The following SYNE1 variants were observed in gnomAD, a reference collection of about 807,000 sequenced individuals.
SYNE1 encodes spectrin repeat containing nuclear envelope protein 1.
A neutral mutation model predicts 1,111.0 loss-of-function variants in SYNE1; 616 were observed. The ratio of observed to expected loss-of-function variants is 0.55; its 90% confidence interval spans 0.52 to 0.59. The LOEUF is 0.59. Ranked by LOEUF, SYNE1 falls within the 20% of genes least tolerant of loss-of-function variation. The probability of loss-of-function intolerance (pLI) is 0.00; values close to 1 mark genes in which losing one functional copy is unlikely to be tolerated. For missense variants in SYNE1, 10,006 were observed against 10,417.0 expected (o/e 0.96, Z 1.72); for synonymous variants, 3,855 against 3,825.8 (o/e 1.01, Z -0.28).
rs770726839 is a variant in SYNE1, at chr6:152,455,558, C to T, written c.2760G>A (p.Lys920=). 1.2e-6 allele frequency: 2 copies of T among 1,614,154 alleles called. No homozygotes were observed. The highest frequency in any genetic ancestry group is 1.7e-6 in the Non-Finnish European group (2 of 1,179,996). ...TCAAGCGACTGTTGGTTTCCACATG[C>T]TTCTTCCAATCTCCAGTTTTCTTTA... ...SMVKKTGDWK[K]HVETNSRLMK... The change falls in exon 24 of 146, where the codon AAG becomes AAA. Residue 920 remains lysine, a synonymous_variant. Coordinates refer to ENST00000367255, the MANE Select transcript of SYNE1 (RefSeq NM_182961.4).
At position 152,285,985 on chromosome 6, in the gene SYNE1, A is replaced by G. The variant is rs141855731; in HGVS notation, c.18013-1813T>C. Among the ~76,000 whole-genome samples, 66 of 152,316 alleles carry G rather than the reference A, an allele frequency of 4.3e-4. No individual in the cohort carries two copies. In the Middle Eastern group the frequency reaches 0.01, roughly 24 times the overall value. ...TAGGCTTTATATTTGCCAGCATTTCATAGTTTCCAATGTGCCCTTATTTGC... is the reference window on the plus strand; with the variant it reads ...TAGGCTTTATATTTGCCAGCATTTCGTAGTTTCCAATGTGCCCTTATTTGC... On this transcript the variant is annotated intron_variant, in intron 95 of 145. Coordinates refer to ENST00000367255, the MANE Select transcript of SYNE1 (RefSeq NM_182961.4).
intron 29 of SYNE1, among the ~76,000 whole-genome samples, chr6:152,445,495 T>C (rs1470212285): frequency 6.6e-6 from 1 of 152,064 alleles, no homozygotes; most frequent in Non-Finnish European, 1.5e-5. Flanking sequence ...TTTTACATGT[T>C]GTCATTTGTT....
intron 76 of SYNE1, chr6:152,335,335 ATTGT>A (rs2096360141): frequency 6.6e-6 from 1 of 152,232 alleles, no homozygotes; most frequent in Non-Finnish European, 1.5e-5. Flanking sequence ...AAATATTGGC[ATTGT>A]TTATTATCTC....
rs201427138 is a variant in SYNE1 at position 152,325,163 on chromosome 6, G to A, written c.15578C>T (p.Thr5193Ile). The A allele has an allele frequency of 6.2e-7, 1 of 1,614,244 alleles. No individual in the cohort carries two copies. The highest frequency in any genetic ancestry group is 2.2e-5 in the East Asian group (1 of 44,884). The change falls in exon 81 of 146, where the codon ACA becomes ATA. Residue 5193 changes from threonine (T) to isoleucine (I), a missense_variant. Around this residue, in one of 7 missense-constraint regions of SYNE1, gnomAD observed 4,955 missense variants for 5,017.2 expected, o/e 0.99. Transcript: ENST00000367255. ...RSMTTVWQRWTRLRAVAQDQE... is the reference protein window; with the variant it reads ...RSMTTVWQRWIRLRAVAQDQE... ...GTCCTGGGCCACAGCTCGAAGGCGT[G>A]TCCAGCGCTGCCAGACGGTGGTCAT... is the stretch of plus-strand genomic sequence containing the variant.
intron 104 of SYNE1, among the ~76,000 whole-genome samples, chr6:152,253,189 C>T (rs2089816158): frequency 6.6e-6 from 1 of 152,098 alleles, no homozygotes; most frequent in Admixed American, 6.5e-5. Flanking sequence ...TCTCCATCTT[C>T]CCTGAGATCA....
rs1055894912 is a variant in SYNE1, at chr6:152,345,820, C to T, written c.12078+1239G>A. On this transcript the variant is annotated intron_variant, in intron 73 of 145. Coordinates refer to ENST00000367255, the MANE Select transcript of SYNE1 (RefSeq NM_182961.4). The stretch of plus-strand genomic sequence containing the variant: ...TTTTAGTAAGTTTTTGTTAAAATAG[C>T]CATTCTTACCCCTCTTACACTTATT... 3.3e-5 allele frequency among the ~76,000 whole-genome samples: 5 copies of T among 152,192 alleles called. No individual in the cohort carries two copies. The Middle Eastern group carries it at 0.01, about 311-fold the overall frequency.
intron 16 of SYNE1, among the ~76,000 whole-genome samples, chr6:152,470,118 G>A (rs2098797174): frequency 6.6e-6 from 1 of 152,168 alleles, no homozygotes; most frequent in Non-Finnish European, 1.5e-5. Context: ...AAAGTTACAA[G>A]GCAGTTTGGA....
At position 152,246,467 on chromosome 6, in the gene SYNE1, T is replaced by G. The variant is rs139696280; in HGVS notation, c.19573-1811A>C. On this transcript the variant is annotated intron_variant, in intron 105 of 145. Coordinates refer to ENST00000367255, the MANE Select transcript of SYNE1 (RefSeq NM_182961.4). ...GTGAGCTCCGGGAAAATTAAATACG[T>G]GAGAGCAGAAATGCCAATTCAGTAC... is the stretch of plus-strand genomic sequence containing the variant. Among the ~76,000 whole-genome samples, 25 of 151,592 alleles carry G rather than the reference T, an allele frequency of 1.6e-4. No homozygotes were observed. In the East Asian group the frequency reaches 4.6e-3, roughly 28 times the overall value.
At chr6:152,193,426 T>C (rs886414182) in intron 127 of SYNE1, among the ~76,000 whole-genome samples, 4 of 152,196 alleles carry the variant, frequency 2.6e-5, no homozygotes, top group Non-Finnish European at 5.9e-5. Context: ...CAAGCAATTC[T>C]CATGCTTCAG....
intron 78 of SYNE1, 26 bp from the exon 79 acceptor site, chr6:152,326,659 A>G: frequency 1.9e-6 from 3 of 1,592,814 alleles, no homozygotes; most frequent in African/African-American, 2.7e-5. Flanking sequence ...TGCAAACATA[A>G]TCAACTCTCC....
At chr6:152,421,924 T>G (rs1378541601) in intron 39 of SYNE1, among the ~76,000 whole-genome samples, 2 of 152,100 alleles carry the variant, frequency 1.3e-5, no homozygotes, top group African/African-American at 4.8e-5. Flanking sequence ...CAGGCTGGTC[T>G]CAAACTCCTG....
At chr6:152,476,867 T>TAAA (rs4034729) in intron 14 of SYNE1, among the ~76,000 whole-genome samples, 4 of 140,796 alleles carry the variant, frequency 2.8e-5, no homozygotes, top group Admixed American at 2.1e-4. Flanking sequence ...AGACCCTATC[T>TAAA]AAAAAAAAAA....
intron 90 of SYNE1, among the ~76,000 whole-genome samples, chr6:152,309,035 T>C (rs1404380757): frequency 6.6e-6 from 1 of 152,190 alleles, no homozygotes; most frequent in Non-Finnish European, 1.5e-5. Context: ...ATACGAATTA[T>C]GGGCTGGGCG....
chr6:152,238,839 T>C (rs902561606), intron 108 of SYNE1, among the ~76,000 whole-genome samples: 7 of 152,140 alleles, frequency 4.6e-5, no homozygotes, highest in African/African-American at 1.7e-4. Flanking sequence ...CACTGAGCAC[T>C]ACTCTGTTCC....
rs1401567617 is a variant in SYNE1, at chr6:152,180,203, T to C, written c.23393A>G (p.Gln7798Arg). 6.2e-7 allele frequency: 1 copy of C among 1,614,142 alleles called. No homozygotes were observed. Among genetic ancestry groups the C allele is most frequent in the Non-Finnish European group, 8.5e-7 (1 of 1,180,010 alleles). ...ATTCTGAGAAACTTTGCTTTCCATT[T>C]GAGTCAACCACTCACAGAGTTCCTT... ...KNKELCEWLT[Q>R]MESKVSQNGD... is the part of the protein sequence containing the mutation. Residue 7798 changes from glutamine to arginine, a missense_variant, in exon 129 of 146, where the codon CAA (glutamine) becomes CGA (arginine). Gln to Arg is a conservative substitution (Grantham distance 43, BLOSUM62 1). Coordinates refer to ENST00000367255, the MANE Select transcript of SYNE1 (RefSeq NM_182961.4).
chr6:152,530,887 T>C (rs1280036170), intron 4 of SYNE1, among the ~76,000 whole-genome samples: 1 of 152,114 alleles, frequency 6.6e-6, no homozygotes, highest in African/African-American at 2.4e-5. Context: ...CCTCCCAAAG[T>C]GCTGGGATTA....
chr6:152,182,861 T>G (rs558116739), intron 128 of SYNE1, among the ~76,000 whole-genome samples: 116 of 152,310 alleles, frequency 7.6e-4, no homozygotes, highest in Middle Eastern at 3.4e-3. Flanking sequence ...TTATGATCTT[T>G]TAAAGTAAAA....
intron 96 of SYNE1, among the ~76,000 whole-genome samples, chr6:152,282,446 T>G (rs2094092401): frequency 6.6e-6 from 1 of 152,148 alleles, no homozygotes; most frequent in South Asian, 2.1e-4. Flanking sequence ...TTGATCCCTG[T>G]GGGAAGCGGT....
intron 78 of SYNE1, among the ~76,000 whole-genome samples, chr6:152,328,464 G>A (rs2096147239): frequency 6.6e-6 from 1 of 151,654 alleles, no homozygotes; most frequent in South Asian, 2.1e-4. Flanking sequence ...GGAGTGCAAT[G>A]TCATGATCTC....
Sources: gnomAD v4.1 joint callset for allele counts (sites outside exome capture counted in the v4.1 genomes callset) on GRCh38, gnomAD v4.1.1 for gene constraint, gnomAD v4.1.1 regional missense constraint, MANE v1.5 for transcripts, NCBI Gene and HGNC (gene_info 2026-07-23, HGNC 2026-07-21) for gene names.